C12orf54: variants seen among roughly 807,000 people sequenced by gnomAD.
C12orf54 encodes the protein uncharacterized protein C12orf54.
In C12orf54, 24 loss-of-function variants were observed where a neutral mutation model predicts 26.4. The ratio of observed to expected loss-of-function variants is 0.91; its 90% CI spans 0.66 to 1.28. The LOEUF (loss-of-function observed/expected upper bound fraction) is 1.28, where lower values mean the gene tolerates loss of function less well. Among genes scored for constraint, C12orf54 ranks in the 50% most tolerant of loss-of-function variants. The pLI, the probability that C12orf54 is intolerant of heterozygous loss-of-function variation, is 0.00. For synonymous variants in C12orf54, 54 were observed against 47.0 expected (o/e 1.15, Z -0.61); for missense variants, 154 against 150.9 (o/e 1.02, Z -0.11).
chr12:48,494,681 G>A (rs1385732913), intron 7 of C12orf54, 117 bp from the exon 8 acceptor site: 36 of 1,116,868 alleles, frequency 3.2e-5, no homozygotes, highest in Admixed American at 6.8e-5. Context: ...AGCCTGAGAT[G>A]CCCATTCTTG....
chr12:48,446,531 G>A, the C12orf54 span, among the ~76,000 whole-genome samples: 1 of 152,166 alleles, frequency 6.6e-6, no homozygotes, highest in Non-Finnish European at 1.5e-5. Flanking sequence ...GGATGGCAAA[G>A]TATGATCTGA....
chr12:48,427,884 G>T, the C12orf54 span, among the ~76,000 whole-genome samples: 4 of 151,978 alleles, frequency 2.6e-5, no homozygotes, highest in Non-Finnish European at 5.9e-5. Context: ...ATTCAACAGT[G>T]CATAGAACTT....
the C12orf54 span, among the ~76,000 whole-genome samples, chr12:48,465,353 G>C: frequency 0.88 from 134,427 of 152,200 alleles, 59,415 homozygotes; most frequent in East Asian, 0.97. Flanking sequence ...TGAATAAAAA[G>C]CACAATGAGA....
chr12:48,424,654 A>G, the C12orf54 span, among the ~76,000 whole-genome samples: 25 of 152,168 alleles, frequency 1.6e-4, no homozygotes, highest in Non-Finnish European at 3.5e-4. Flanking sequence ...GCAGTTTCCA[A>G]TAGAGTTAAA....
the C12orf54 span, among the ~76,000 whole-genome samples, chr12:48,434,069 C>T: frequency 1.3e-5 from 2 of 152,236 alleles, no homozygotes; most frequent in South Asian, 2.1e-4. Flanking sequence ...CACCCTAATA[C>T]TGTGCTTTTC....
At chr12:48,433,640 G>T in the C12orf54 span, among the ~76,000 whole-genome samples, 1 of 152,034 alleles carries the variant, frequency 6.6e-6, no homozygotes, top group Non-Finnish European at 1.5e-5. Flanking sequence ...GTAGAGACGG[G>T]GTTTCACCAT....
chr12:48,481,210 TAAAA>T (rs66958027), upstream of C12orf54, among the ~76,000 whole-genome samples: 21,981 of 151,060 alleles, frequency 0.15, 2,762 homozygotes, highest in East Asian at 0.65. Flanking sequence ...GTTTTTTTTT[TAAAA>T]AAAATGACTT....
the C12orf54 span, among the ~76,000 whole-genome samples, chr12:48,421,322 G>A: frequency 7.7e-6 from 1 of 129,554 alleles, no homozygotes; most frequent in African/African-American, 2.9e-5. Flanking sequence ...GAGAGCGCAG[G>A]GAGGTGCCAC....
At chr12:48,489,049 C>A (rs1391007036) in intron 5 of C12orf54, 93 bp downstream of exon 5, 1 of 1,217,656 alleles carries the variant, frequency 8.2e-7, no homozygotes. Flanking sequence ...TTGCCTCTGA[C>A]CAAGGTTTTA....
chr12:48,494,959 G>T lies in C12orf54; in HGVS notation c.*20G>T. On this transcript the variant is annotated 3_prime_UTR_variant, in exon 8 of 9. Transcript: ENST00000548364. ...CCCTAACTCTACAATCAAGGAAGAA[G>T]GACATCTCTGCTTCCGCCAGGTGCT... 1 of 1,610,096 alleles carries T rather than the reference G, an allele frequency of 6.2e-7. No homozygotes were observed.
At chr12:48,432,327 A>G in the C12orf54 span, among the ~76,000 whole-genome samples, 1 of 152,258 alleles carries the variant, frequency 6.6e-6, no homozygotes, top group East Asian at 1.9e-4. Context: ...AAGCAGAAAA[A>G]GCTTGTGATA....
At chr12:48,460,794 T>C in the C12orf54 span, among the ~76,000 whole-genome samples, 4 of 152,012 alleles carry the variant, frequency 2.6e-5, 1 homozygote, top group African/African-American at 9.7e-5. Context: ...GATGTAGTTA[T>C]ACCTAATAAC....
chr12:48,475,021 C>A, the C12orf54 span, among the ~76,000 whole-genome samples: 4 of 152,198 alleles, frequency 2.6e-5, no homozygotes, highest in Non-Finnish European at 4.4e-5. Flanking sequence ...TGACACCTCA[C>A]ACAGCCGGGT....
At chr12:48,459,847 T>A in the C12orf54 span, among the ~76,000 whole-genome samples, 1 of 152,108 alleles carries the variant, frequency 6.6e-6, no homozygotes, top group Non-Finnish European at 1.5e-5. Flanking sequence ...TGTGGCAACA[T>A]GTGAAATACT....
the C12orf54 span, among the ~76,000 whole-genome samples, chr12:48,437,649 A>C: frequency 6.6e-6 from 1 of 152,070 alleles, no homozygotes; most frequent in Non-Finnish European, 1.5e-5. Context: ...CAAAGACAAA[A>C]ACCACTTGAT....
the C12orf54 span, among the ~76,000 whole-genome samples, chr12:48,435,337 G>A: frequency 6.6e-6 from 1 of 152,186 alleles, no homozygotes; most frequent in African/African-American, 2.4e-5. Flanking sequence ...AAAACACTCT[G>A]CAGGATATTA....
At chr12:48,460,276 T>C in the C12orf54 span, among the ~76,000 whole-genome samples, 1 of 152,096 alleles carries the variant, frequency 6.6e-6, no homozygotes, top group Non-Finnish European at 1.5e-5. Context: ...AAACACTCAT[T>C]ATACTAAAAA....
the C12orf54 span, among the ~76,000 whole-genome samples, chr12:48,465,043 C>G: frequency 2.7e-4 from 41 of 152,166 alleles, no homozygotes; most frequent in African/African-American, 9.6e-4. Flanking sequence ...AAAGCAATTG[C>G]AATCAAAGCA....
Position 48,494,917 on chromosome 12 carries a change from C to T in C12orf54, c.362C>T (p.Ser121Leu), listed in dbSNP as rs768322460. ...CTGAAGACACAGCTCTTCAGTCAAT[C>T]AGCTTACTACCCTGGACCCTAACTC... is the stretch of plus-strand genomic sequence containing the variant. ...HNLKTQLFSQ[S>L]AYYPGP is the part of the protein sequence containing the mutation. Residue 121 changes from serine to leucine, a missense_variant, in exon 8 of 9, where the codon TCA becomes TTA. By Grantham distance (145) the Ser-to-Leu change is moderately radical. Coordinates refer to ENST00000548364, the MANE Select transcript of C12orf54 (RefSeq NM_152319.4). 15 of 1,613,188 alleles carry T rather than the reference C, an allele frequency of 9.3e-6. No individual in the cohort carries two copies. In the South Asian group the frequency reaches 1.5e-4, roughly 17 times the overall value.
Sources: allele counts gnomAD v4.1 joint callset (sites outside exome capture counted in the v4.1 genomes callset), GRCh38; gene constraint gnomAD v4.1.1; transcripts MANE v1.5; gene names NCBI Gene and HGNC (gene_info 2026-07-23, HGNC 2026-07-21).